The following NTRK2 variants were observed in gnomAD, a reference collection of about 807,000 sequenced individuals.
NTRK2 encodes the protein neurotrophic receptor tyrosine kinase 2.
Under a neutral mutation model 94.5 loss-of-function variants are expected in NTRK2, and 13 were observed. The ratio of observed to expected loss-of-function variants is 0.14; its 90% CI spans 0.09 to 0.22. The LOEUF is 0.22. Among genes scored for constraint, NTRK2 ranks in the 10% least tolerant of loss-of-function variants. NTRK2 has a pLI of 1.00. For missense variants in NTRK2, 639 were observed against 1,071.2 expected (o/e 0.60, Z 5.63); for synonymous variants, 372 against 407.4 (o/e 0.91, Z 1.05).
intron 14 of NTRK2, among the ~76,000 whole-genome samples, chr9:84,903,749 T>C (rs2132422285): frequency 6.6e-6 from 1 of 151,666 alleles, no homozygotes. Context: ...CTCCCTTCTC[T>C]CTCTCTCTCT....
intron 17 of NTRK2, among the ~76,000 whole-genome samples, chr9:84,994,532 C>T (rs1829496743): frequency 6.6e-6 from 1 of 152,158 alleles, no homozygotes; most frequent in African/African-American, 2.4e-5. Context: ...CCACCTTGTC[C>T]CCTTCCTGAA....
At chr9:84,932,680 G>A (rs2132703830) in intron 14 of NTRK2, among the ~76,000 whole-genome samples, 1 of 152,302 alleles carries the variant, frequency 6.6e-6, no homozygotes, top group South Asian at 2.1e-4. Flanking sequence ...AACCTTGGGA[G>A]CTTACAGATG....
At chr9:84,901,402 G>T (rs2076925676) in intron 14 of NTRK2, among the ~76,000 whole-genome samples, 1 of 151,482 alleles carries the variant, frequency 6.6e-6, no homozygotes, top group Non-Finnish European at 1.5e-5. Context: ...TTGTGTGTGT[G>T]TGTGTATTTT....
At chr9:84,877,533 C>G in intron 14 of NTRK2, 2 of 1,066,668 alleles carry the variant, frequency 1.9e-6, no homozygotes, top group Non-Finnish European at 1.1e-6. Flanking sequence ...CAAGGACCCC[C>G]CTCCTACCAG....
chr9:85,014,389 T>G (rs1831992504), intron 17 of NTRK2, among the ~76,000 whole-genome samples: 1 of 152,174 alleles, frequency 6.6e-6, no homozygotes, highest in Non-Finnish European at 1.5e-5. Flanking sequence ...GTGCCAAGGA[T>G]AGCAAACAAC....
chr9:85,000,531 G>T (rs4501667), intron 17 of NTRK2, among the ~76,000 whole-genome samples: 1 of 151,976 alleles, frequency 6.6e-6, no homozygotes, highest in Non-Finnish European at 1.5e-5. Context: ...GCCTTTTCAG[G>T]TTGGCTTCTT....
At chr9:84,732,890 C>T (rs1022161363) in intron 9 of NTRK2, among the ~76,000 whole-genome samples, 14 of 152,192 alleles carry the variant, frequency 9.2e-5, no homozygotes, top group African/African-American at 3.4e-4. Flanking sequence ...AAATGTGCCT[C>T]TGCTCCAGCT....
intron 12 of NTRK2, chr9:84,814,109 A>G: frequency 1.9e-6 from 2 of 1,065,336 alleles, no homozygotes; most frequent in Non-Finnish European, 2.3e-6. Context: ...GACTGATTTC[A>G]TTTCTGACCC....
intron 12 of NTRK2, among the ~76,000 whole-genome samples, chr9:84,851,164 CT>C (rs1421136518): frequency 2.0e-5 from 3 of 152,184 alleles, no homozygotes; most frequent in Non-Finnish European, 4.4e-5. Context: ...AAATATCCCC[CT>C]GGCCAAATTT....
chr9:84,985,660 G>T (rs573339932), intron 17 of NTRK2, among the ~76,000 whole-genome samples: 1 of 152,298 alleles, frequency 6.6e-6, no homozygotes, highest in African/African-American at 2.4e-5. Context: ...AATTGGTTAG[G>T]CATAATTTGA....
At chr9:84,689,547 C>G (rs1442816708) in intron 2 of NTRK2, among the ~76,000 whole-genome samples, 1 of 152,032 alleles carries the variant, frequency 6.6e-6, no homozygotes, top group Non-Finnish European at 1.5e-5. Context: ...TTTAACTGTC[C>G]TTTTTATTCT....
chr9:84,852,403 A>G (rs2074820281), intron 12 of NTRK2, among the ~76,000 whole-genome samples: 1 of 152,252 alleles, frequency 6.6e-6, no homozygotes, highest in Non-Finnish European at 1.5e-5. Flanking sequence ...GAGCTTCGAC[A>G]GCTGAGAAAA....
chr9:84,921,259 T>C (rs1170814739), intron 14 of NTRK2, among the ~76,000 whole-genome samples: 5 of 152,246 alleles, frequency 3.3e-5, no homozygotes, highest in Admixed American at 1.3e-4. Flanking sequence ...ACAGTTCTTA[T>C]TACTATCCTC....
intron 2 of NTRK2, among the ~76,000 whole-genome samples, chr9:84,687,481 C>G (rs2059789062): frequency 6.6e-6 from 1 of 152,178 alleles, no homozygotes; most frequent in South Asian, 2.1e-4. Context: ...TAAAAAGTGT[C>G]TTCTGGAGCT....
chr9:84,702,867 T>A (rs549298105), intron 4 of NTRK2, among the ~76,000 whole-genome samples: 1 of 152,354 alleles, frequency 6.6e-6, no homozygotes, highest in South Asian at 2.1e-4. Context: ...GAACCTTCAT[T>A]TTCCCAAAGC....
At chr9:84,758,897 A>C (rs1187670003) in intron 12 of NTRK2, among the ~76,000 whole-genome samples, 1 of 152,248 alleles carries the variant, frequency 6.6e-6, no homozygotes, top group Non-Finnish European at 1.5e-5. Context: ...TTTGTGAAAC[A>C]AGTAATGAAC....
chr9:84,882,824 C>T (rs2076302722), intron 14 of NTRK2, among the ~76,000 whole-genome samples: 1 of 152,136 alleles, frequency 6.6e-6, no homozygotes, highest in Admixed American at 6.5e-5. Flanking sequence ...GGCTGGAGTT[C>T]GCGATCTCGG....
intron 12 of NTRK2, among the ~76,000 whole-genome samples, chr9:84,820,790 T>C (rs1051987234): frequency 6.6e-6 from 1 of 152,212 alleles, no homozygotes; most frequent in Non-Finnish European, 1.5e-5. Flanking sequence ...AGCAACTCCA[T>C]CTTTGGCCTT....
chr9:84,798,744 T>C (rs919919364), intron 12 of NTRK2, among the ~76,000 whole-genome samples: 8 of 152,138 alleles, frequency 5.3e-5, no homozygotes, highest in African/African-American at 1.9e-4. Flanking sequence ...TTGGTGCGTA[T>C]GTTGACCAGT....
Sources: allele counts gnomAD v4.1 joint callset (sites outside exome capture counted in the v4.1 genomes callset), GRCh38; gene constraint gnomAD v4.1.1; transcripts MANE v1.5; gene names NCBI Gene and HGNC (gene_info 2026-07-23, HGNC 2026-07-21).